STAM2: variants seen among roughly 807,000 people sequenced by gnomAD.
STAM2 encodes the protein signal transducing adapter molecule 2.
STAM2 carries 51 observed loss-of-function variants against 65.6 expected under a neutral mutation model. That is an observed-to-expected ratio of 0.78 (90% CI 0.62 to 0.98). STAM2 has a LOEUF of 0.98. Among genes scored for constraint, STAM2 ranks in the 50% least tolerant of loss-of-function variants. The probability of loss-of-function intolerance (pLI) is 0.00; values close to 1 mark genes in which losing one functional copy is unlikely to be tolerated. For missense variants in STAM2, 584 were observed against 617.8 expected, an observed-to-expected ratio of 0.95 and a Z score of 0.58; for synonymous variants, 198 against 208.4, an observed-to-expected ratio of 0.95 and a Z score of 0.43.
intron 12 of STAM2, 112 bp from the exon 13 acceptor site, chr2:152,124,047 A>G (rs1336209659): frequency 4.6e-6 from 4 of 870,184 alleles, no homozygotes; most frequent in Non-Finnish European, 3.5e-6. Flanking sequence ...TTTGGGAAGC[A>G]ATCTGATTCT....
intron 11 of STAM2, among the ~76,000 whole-genome samples, chr2:152,130,898 G>A (rs1181259935): frequency 2.7e-5 from 4 of 150,628 alleles, no homozygotes; most frequent in African/African-American, 7.3e-5. Context: ...TTGGGAGGAT[G>A]AGCCAGAGAA....
At chr2:152,161,686 T>C (rs1689681944) in intron 1 of STAM2, among the ~76,000 whole-genome samples, 1 of 152,148 alleles carries the variant, frequency 6.6e-6, no homozygotes, top group East Asian at 1.9e-4. Flanking sequence ...TAAACTTAGG[T>C]TTACCATAAA....
At chr2:152,158,654 A>G (rs1050696704) in intron 1 of STAM2, among the ~76,000 whole-genome samples, 3 of 152,278 alleles carry the variant, frequency 2.0e-5, no homozygotes, top group South Asian at 2.1e-4. Context: ...TCTGTTTTAC[A>G]CTGCTATTGA....
rs906536771 is a variant in STAM2 at position 152,147,423 on chromosome 2, A to G, written c.301-115T>C. On this transcript the variant is annotated intron_variant, in intron 4 of 13. Coordinates refer to ENST00000263904, the MANE Select transcript of STAM2 (RefSeq NM_005843.6). ...TCTCTTTAATTATATGAACATCAAC[A>G]AAAGTCCTGAAATTTCTAGCCTAGT... 6 of 999,642 alleles carry G rather than the reference A, an allele frequency of 6.0e-6. No homozygotes were observed. The African/African-American group carries it at 6.7e-5, about 11-fold the overall frequency. 61.9% of individuals were successfully genotyped at this position (999,642 alleles called of 1,614,324 possible). A position where few individuals can be genotyped will look rare whatever the true frequency, so the allele number is the denominator to read the frequency against.
Position 152,117,996 on chromosome 2 carries a change from A to G in STAM2, c.*2578T>C, listed in dbSNP as rs1396965744. 6.6e-6 allele frequency: 1 copy of G among 152,128 alleles called. No homozygotes were observed. Among genetic ancestry groups the G allele is most frequent in the Admixed American group, 6.6e-5 (1 of 15,266 alleles). 9.4% of individuals were successfully genotyped at this position (152,128 alleles called of 1,614,324 possible). A position where few individuals can be genotyped will look rare whatever the true frequency, so the allele number is the denominator to read the frequency against. The stretch of plus-strand genomic sequence containing the variant: ...ATTGGTTGACTACATTTTACAAACT[A>G]TAAGAATATATCCCACACTTCATAT... On this transcript the variant is annotated 3_prime_UTR_variant, in exon 14 of 14. Transcript: ENST00000263904.
chr2:152,163,716 T>A (rs180780808), intron 1 of STAM2, among the ~76,000 whole-genome samples: 8 of 152,252 alleles, frequency 5.3e-5, no homozygotes, highest in Admixed American at 3.9e-4. Flanking sequence ...ATACTAAATA[T>A]TAAGACCCTA....
chr2:152,131,547 A>C (rs1689063178), intron 11 of STAM2: 1 of 153,078 alleles, frequency 6.5e-6, no homozygotes, highest in African/African-American at 2.4e-5. Flanking sequence ...TCCTGGACTT[A>C]AGGCAGGATG....
chr2:152,125,910 G>T (rs10469642), intron 12 of STAM2: 35,969 of 182,242 alleles, frequency 0.2, 3,982 homozygotes, highest in Admixed American at 0.29. Flanking sequence ...TTTACAAAAA[G>T]GATTTATGTT....
At chr2:152,152,558 C>CA (rs1168323759) in intron 1 of STAM2, among the ~76,000 whole-genome samples, 2 of 140,976 alleles carry the variant, frequency 1.4e-5, no homozygotes, top group African/African-American at 5.2e-5. Flanking sequence ...CAAAAAAAAA[C>CA]AACAAAAAAA....
Position 152,118,580 on chromosome 2 carries a change from C to G in STAM2, c.*1994G>C, listed in dbSNP as rs1274345298. 6.6e-6 allele frequency: 1 copy of G among 151,066 alleles called. No individual in the cohort carries two copies. The highest frequency in any genetic ancestry group is 2.4e-5 in the African/African-American group (1 of 41,130). 9.4% of individuals were successfully genotyped at this position (151,066 alleles called of 1,614,324 possible). ...TGAATTAAACTTTTATAATTGAGAT[C>G]ACAATTATACATGAAATACACAAAC... On this transcript the variant is annotated 3_prime_UTR_variant, in exon 14 of 14. Coordinates refer to ENST00000263904, the MANE Select transcript of STAM2 (RefSeq NM_005843.6).
chr2:152,123,703 T>G, intron 13 of STAM2, 63 bp downstream of exon 13: 5 of 1,486,532 alleles, frequency 3.4e-6, no homozygotes, highest in Non-Finnish European at 2.8e-6. Context: ...GGTCTATATA[T>G]TCTCATTCTG....
intron 1 of STAM2, among the ~76,000 whole-genome samples, chr2:152,159,094 C>CAT (rs10524193): frequency 0.24 from 25,221 of 102,984 alleles, 4,437 homozygotes; most frequent in Middle Eastern, 0.38. Flanking sequence ...AAAAAAAAAC[C>CAT]ATATATATAT....
intron 1 of STAM2, among the ~76,000 whole-genome samples, chr2:152,153,022 C>G (rs186030224): frequency 1.3e-5 from 2 of 152,016 alleles, no homozygotes; most frequent in African/African-American, 4.8e-5. Context: ...TAAAAACTGA[C>G]AAGTAATTAA....
chr2:152,128,866 G>A (rs1689009694), intron 11 of STAM2, among the ~76,000 whole-genome samples: 1 of 152,166 alleles, frequency 6.6e-6, no homozygotes, highest in Non-Finnish European at 1.5e-5. Flanking sequence ...CTTTCTAACA[G>A]TAGAGATGTT....
chr2:152,158,259 G>C (rs1049222967), intron 1 of STAM2, among the ~76,000 whole-genome samples: 1 of 152,108 alleles, frequency 6.6e-6, no homozygotes, highest in Non-Finnish European at 1.5e-5. Flanking sequence ...GGTGGATCAC[G>C]AGGTCAAGAG....
intron 1 of STAM2, among the ~76,000 whole-genome samples, chr2:152,165,253 G>A (rs563080128): frequency 3.7e-4 from 56 of 151,550 alleles, no homozygotes; most frequent in African/African-American, 1.2e-3. Flanking sequence ...GCGAAACCTC[G>A]TCTCTATTAA....
intron 3 of STAM2, 23 bp downstream of exon 3, chr2:152,148,202 A>G: frequency 6.2e-7 from 1 of 1,601,420 alleles, no homozygotes. Flanking sequence ...TTTGCGTCAA[A>G]TAATAACATG....
At chr2:152,161,162 C>A (rs1689665711) in intron 1 of STAM2, among the ~76,000 whole-genome samples, 1 of 152,040 alleles carries the variant, frequency 6.6e-6, no homozygotes, top group Non-Finnish European at 1.5e-5. Flanking sequence ...AAGAAAAATT[C>A]TTCTGCCTTG....
At chr2:152,124,972 TAC>T (rs1329450243) in intron 12 of STAM2, among the ~76,000 whole-genome samples, 2 of 152,224 alleles carry the variant, frequency 1.3e-5, no homozygotes, top group Non-Finnish European at 2.9e-5. Context: ...ACAGTGTAGG[TAC>T]AGATTACGTG....
Sources: allele counts gnomAD v4.1 joint callset (sites outside exome capture counted in the v4.1 genomes callset), GRCh38; gene constraint gnomAD v4.1.1; transcripts MANE v1.5; gene names NCBI Gene and HGNC (gene_info 2026-07-23, HGNC 2026-07-21).